PCDHGB3: variants seen among roughly 807,000 people sequenced by gnomAD.
The protein encoded by PCDHGB3 is protocadherin gamma subfamily B, 3.
PCDHGB3 carries 40 observed loss-of-function variants against 59.2 expected under a neutral mutation model. The observed-to-expected ratio is 0.68, with a 90% CI of 0.52 to 0.88. The LOEUF (loss-of-function observed/expected upper bound fraction) is 0.88, where lower values mean the gene tolerates loss of function less well. Ranked by LOEUF, PCDHGB3 falls within the 40% of genes least tolerant of loss-of-function variation. The pLI is 0.00. For missense variants in PCDHGB3, 1,309 were observed against 1,187.9 expected (o/e 1.10, Z -1.50); for synonymous variants, 581 against 503.6 (o/e 1.15, Z -2.06).
intron 2 of PCDHGB3, among the ~76,000 whole-genome samples, chr5:141,503,824 C>G (rs1216231770): frequency 1.3e-5 from 2 of 152,058 alleles, no homozygotes; most frequent in South Asian, 4.1e-4. Context: ...TTGGGCAAAA[C>G]CAAAAGCAGG....
At chr5:141,377,761 T>C (rs917483532) in intron 1 of PCDHGB3, 27 of 152,190 alleles carry the variant, frequency 1.8e-4, no homozygotes, top group African/African-American at 5.8e-4. Context: ...GGACACCAGA[T>C]CTTTGGTGTT....
At chr5:141,463,438 C>CTTTTTTT (rs71576115) in intron 1 of PCDHGB3, among the ~76,000 whole-genome samples, 6 of 103,252 alleles carry the variant, frequency 5.8e-5, no homozygotes, top group African/African-American at 1.3e-4. Flanking sequence ...TTTCCTTCTC[C>CTTTTTTT]TTTTTTTTTT....
rs777537045 is a variant in PCDHGB3 at position 141,490,191 on chromosome 5, A to T, written c.2416-4616A>T. The T allele has an allele frequency of 6.2e-7, 1 of 1,614,176 alleles. No homozygotes were observed. The highest frequency in any genetic ancestry group is 1.1e-5 in the South Asian group (1 of 91,082). On this transcript the variant is annotated intron_variant, in intron 1 of 3. Coordinates refer to ENST00000576222, the MANE Select transcript of PCDHGB3 (RefSeq NM_018924.5). The surrounding 1 kb of genome is among the most constrained non-coding windows in gnomAD (Gnocchi z 5.4). ...ACTTTGAGGAGTCACGTTTCTATGA[A>T]ATTCATGCAAGAGCCCGTGACCAGG...
intron 1 of PCDHGB3, chr5:141,409,550 C>T (rs764101999): frequency 1.9e-6 from 3 of 1,613,992 alleles, no homozygotes; most frequent in African/African-American, 2.7e-5. Context: ...CGACAACGCC[C>T]CAGTTTTCGA....
intron 2 of PCDHGB3, among the ~76,000 whole-genome samples, chr5:141,499,010 AAGG>A (rs2099788390): frequency 6.6e-6 from 1 of 151,098 alleles, no homozygotes; most frequent in Non-Finnish European, 1.5e-5. Context: ...GGAAGGAAGG[AAGG>A]AAGGAAGGAA....
chr5:141,418,430 T>G (rs1331082135), intron 1 of PCDHGB3: 1 of 1,613,908 alleles, frequency 6.2e-7, no homozygotes, highest in South Asian at 1.1e-5. Flanking sequence ...TGGTGGCAAA[T>G]ATCCAGAATT....
At chr5:141,478,617 G>T in intron 1 of PCDHGB3, 1 of 1,556,398 alleles carries the variant, frequency 6.4e-7, no homozygotes, top group South Asian at 1.2e-5. Context: ...AGGAAGGAAT[G>T]GAGCTGTTTT....
rs748115530 is a variant in PCDHGB3 at position 141,489,429 on chromosome 5, G to C, written c.2416-5378G>C. 5 of 1,614,022 alleles carry C rather than the reference G, an allele frequency of 3.1e-6. No individual in the cohort carries two copies. The East Asian group carries it at 8.9e-5, about 29-fold the overall frequency. ...AGATGACAGATCTGTTGAGCCGGCG[G>C]CTGCAATTGGGCTCTGAGGAGAATG... On this transcript the variant is annotated intron_variant, in intron 1 of 3. Transcript: ENST00000576222. The surrounding 1 kb of genome is among the most constrained non-coding windows in gnomAD (Gnocchi z 4.5).
At chr5:141,386,173 C>T (rs72790028) in intron 1 of PCDHGB3, among the ~76,000 whole-genome samples, 9,793 of 152,202 alleles carry the variant, frequency 0.064, 369 homozygotes, top group African/African-American at 0.1. Flanking sequence ...AACCTTAGAC[C>T]ATCTTATGTA....
At chr5:141,507,558 G>A (rs573728108) in intron 3 of PCDHGB3, among the ~76,000 whole-genome samples, 57 of 152,346 alleles carry the variant, frequency 3.7e-4, no homozygotes, top group African/African-American at 1.3e-3. Context: ...AGTGGCAGGC[G>A]GCTGGGTCTG....
At position 141,423,488 on chromosome 5, in the gene PCDHGB3, A is replaced by G. The variant is rs141810253; in HGVS notation, c.2415+50679A>G. The G allele has an allele frequency of 9.2e-4, 1,481 of 1,613,946 alleles. 7 individuals carry two copies. The highest frequency in any genetic ancestry group is 3.0e-3 in the Middle Eastern group (18 of 6,062). On this transcript the variant is annotated intron_variant, in intron 1 of 3. Transcript: ENST00000576222. The stretch of plus-strand genomic sequence containing the variant: ...GGGGTACAGGCTTTCCTGCAAACCT[A>G]TTCCCACGAGGTCTCTCTCATTGCG...
intron 1 of PCDHGB3, chr5:141,378,932 C>T (rs1274056612): frequency 1.2e-4 from 18 of 152,100 alleles, no homozygotes; most frequent in Admixed American, 1.2e-3. Context: ...AAGTTGATGG[C>T]CCTGGAATGA....
intron 1 of PCDHGB3, chr5:141,399,557 T>TG: frequency 1.2e-6 from 2 of 1,613,968 alleles, no homozygotes; most frequent in Non-Finnish European, 1.7e-6. Context: ...GACCTGGACT[T>TG]GGGGTTGAAC....
At position 141,485,044 on chromosome 5, in the gene PCDHGB3, G is replaced by A; in HGVS notation, c.2416-9763G>A. 2 of 737,674 alleles carry A rather than the reference G, an allele frequency of 2.7e-6. No individual in the cohort carries two copies. The highest frequency in any genetic ancestry group is 1.8e-5 in the African/African-American group (1 of 56,792). The allele number at this position is 737,674 out of a possible 1,614,324, so 45.7% of individuals were successfully genotyped here. A position where few individuals can be genotyped will look rare whatever the true frequency, so the allele number is the denominator to read the frequency against. ...GCAAAAACGGCGCGTAACCCTTGCG[G>A]CGCCGGCCGAACCGCGCCAGAGCTG... On this transcript the variant is annotated intron_variant, in intron 1 of 3. Coordinates refer to ENST00000576222, the MANE Select transcript of PCDHGB3 (RefSeq NM_018924.5). This position sits in a 1 kb window ranked among gnomAD's most constrained non-coding sequence, Gnocchi z 5.7.
chr5:141,463,176 C>CA (rs2099054640), intron 1 of PCDHGB3, among the ~76,000 whole-genome samples: 1 of 152,100 alleles, frequency 6.6e-6, no homozygotes, highest in African/African-American at 2.4e-5. Flanking sequence ...TATGTATGCT[C>CA]AGATTATTAT....
chr5:141,504,786 C>T (rs568185327), intron 2 of PCDHGB3, among the ~76,000 whole-genome samples: 1 of 152,132 alleles, frequency 6.6e-6, no homozygotes, highest in Non-Finnish European at 1.5e-5. Flanking sequence ...TCTCTTGGGG[C>T]CTCCTACATC....
At chr5:141,376,697 T>TTTTTTTTTA (rs60911796) in intron 1 of PCDHGB3, 1 of 652,042 alleles carries the variant, frequency 1.5e-6, no homozygotes, top group African/African-American at 2.1e-5. Context: ...TTTTTTTTTT[T>TTTTTTTTTA]GAGACGGAGT....
intron 1 of PCDHGB3, chr5:141,393,499 A>T: frequency 6.2e-7 from 1 of 1,614,008 alleles, no homozygotes; most frequent in South Asian, 1.1e-5. Context: ...GTGCGCATCC[A>T]CGTGACAGTG....
chr5:141,382,110 G>A (rs1480214134), intron 1 of PCDHGB3, among the ~76,000 whole-genome samples: 1 of 151,982 alleles, frequency 6.6e-6, no homozygotes, highest in Non-Finnish European at 1.5e-5. Context: ...TTACAGGCGT[G>A]AGCAACAGCA....
Sources: gnomAD v4.1 joint callset for allele counts (sites outside exome capture counted in the v4.1 genomes callset) on GRCh38, gnomAD v4.1.1 for gene constraint, Gnocchi (gnomAD v3.1) non-coding constraint, MANE v1.5 for transcripts, NCBI Gene and HGNC (gene_info 2026-07-23, HGNC 2026-07-21) for gene names.